MYO1B: variants seen among roughly 807,000 people sequenced by gnomAD.
MYO1B encodes the protein myosin IB.
In MYO1B, 72 loss-of-function variants were observed where a neutral mutation model predicts 159.7. That is an observed-to-expected ratio of 0.45 (90% CI 0.37 to 0.55). The LOEUF (loss-of-function observed/expected upper bound fraction) is 0.55. Among genes scored for constraint, MYO1B ranks in the 20% least tolerant of loss-of-function variants. The pLI, the probability that MYO1B is intolerant of heterozygous loss-of-function variation, is 0.00. For synonymous variants in MYO1B, 468 were observed against 473.8 expected (o/e 0.99, Z 0.16); for missense variants, 1,062 against 1,364.8 (o/e 0.78, Z 3.50).
At chr2:191,392,975 C>A in intron 19 of MYO1B, 98 bp from the exon 20 acceptor site, 1 of 1,049,016 alleles carries the variant, frequency 9.5e-7, no homozygotes, top group Non-Finnish European at 1.4e-6. Flanking sequence ...ATGTAATTGA[C>A]TCCAACATGA....
chr2:191,365,176 C>T (rs1304313554), intron 11 of MYO1B, among the ~76,000 whole-genome samples: 1 of 152,220 alleles, frequency 6.6e-6, no homozygotes, highest in East Asian at 1.9e-4. Context: ...ACCCTTTGTG[C>T]TATGGCTTAC....
At position 191,414,593 on chromosome 2, in the gene MYO1B, A is replaced by G; in HGVS notation, c.3083A>G (p.Glu1028Gly). The change falls in exon 29 of 31, where the codon GAG becomes GGG. Residue 1028 changes from glutamate to glycine, a missense_variant. By Grantham distance (98) the Glu-to-Gly change is moderately conservative. Around this residue, in one of 5 missense-constraint regions of MYO1B, gnomAD observed 609 missense variants for 744.4 expected, o/e 0.82. Coordinates refer to ENST00000392318, the MANE Select transcript of MYO1B (RefSeq NM_001130158.3). ...CAAAAGTCTGGACAAATCAAGTCAG[A>G]GGTTCCATTGGTGGATGTGACCAAG... Reference protein sequence around the residue: ...ADQKSGQIKSEVPLVDVTKVS... With the variant: ...ADQKSGQIKSGVPLVDVTKVS... 6.2e-7 allele frequency: 1 copy of G among 1,613,760 alleles called. No individual in the cohort carries two copies. Among genetic ancestry groups the G allele is most frequent in the Non-Finnish European group, 8.5e-7 (1 of 1,179,820 alleles).
Position 191,392,245 on chromosome 2 carries a change from G to A in MYO1B, c.2076+44G>A, listed in dbSNP as rs191838098. 19 of 1,407,252 alleles carry A rather than the reference G, an allele frequency of 1.4e-5. No homozygotes were observed. The African/African-American group carries it at 1.6e-4, about 12-fold the overall frequency. The allele number at this position is 1,407,252 out of a possible 1,614,324, so 87.2% of individuals were successfully genotyped here. ...TACACTCTGAACTTAAGTTGGAATCGTATAGGAAAGTTCTTAAAATATGTT... is the reference window on the plus strand; with the variant it reads ...TACACTCTGAACTTAAGTTGGAATCATATAGGAAAGTTCTTAAAATATGTT... On this transcript the variant is annotated intron_variant, in intron 19 of 30. Transcript: ENST00000392318.
intron 1 of MYO1B, among the ~76,000 whole-genome samples, chr2:191,260,593 CA>C (rs951572024): frequency 6.6e-6 from 1 of 152,032 alleles, no homozygotes; most frequent in African/African-American, 2.4e-5. Flanking sequence ...TAGCTACTTA[CA>C]ATAGAAGCAC....
rs769779447 is a variant in MYO1B, at chr2:191,383,248, G to A, written c.1291-32G>A. 2.8e-6 allele frequency: 4 copies of A among 1,414,464 alleles called. No homozygotes were observed. In the East Asian group the frequency reaches 7.7e-5, roughly 27 times the overall value. The allele number at this position is 1,414,464 out of a possible 1,614,324, so 87.6% of individuals were successfully genotyped here. Reference sequence around the variant, plus strand: ...TGGTAGTGTCGTGGCTTCATCTTGTGTCATTGGATTTTGTTCTGTTTTGTC... The same window carrying A: ...TGGTAGTGTCGTGGCTTCATCTTGTATCATTGGATTTTGTTCTGTTTTGTC... On this transcript the variant is annotated intron_variant, in intron 14 of 30. Transcript: ENST00000392318.
In MYO1B at chr2:191,390,155, C is replaced by G. The variant is rs1048655725; in HGVS notation, c.1782-137C>G. 5 of 753,726 alleles carry G rather than the reference C, an allele frequency of 6.6e-6. No homozygotes were observed. The African/African-American group carries it at 8.8e-5, about 13-fold the overall frequency. 46.7% of individuals were successfully genotyped at this position (753,726 alleles called of 1,614,324 possible). A position where few individuals can be genotyped will look rare whatever the true frequency, so the allele number is the denominator to read the frequency against. ...GTTATAAAATGATTTGAAATAATTT[C>G]AAAAGTAATGACTAGGTTTCTTAAG... is the stretch of plus-strand genomic sequence containing the variant. On this transcript the variant is annotated intron_variant, in intron 17 of 30. Transcript: ENST00000392318.
chr2:191,400,341 A>C (rs762746139), intron 21 of MYO1B, 41 bp from the exon 22 acceptor site: 1 of 1,603,974 alleles, frequency 6.2e-7, no homozygotes, highest in Admixed American at 1.7e-5. Context: ...CAATTCCTTT[A>C]TTTTTAAACA....
Position 191,289,989 on chromosome 2 carries a change from A to G in MYO1B, c.136-6122A>G, listed in dbSNP as rs370708009. On this transcript the variant is annotated intron_variant, in intron 2 of 30. Transcript: ENST00000392318. Reference sequence around the variant, plus strand: ...TACACATTATTGAGACTTACATAATATTAAAGCTGTGCTAAAATATTTAAC... The same window carrying G: ...TACACATTATTGAGACTTACATAATGTTAAAGCTGTGCTAAAATATTTAAC... 3.3e-5 allele frequency among the ~76,000 whole-genome samples: 5 copies of G among 152,232 alleles called. No individual in the cohort carries two copies. The East Asian group carries it at 9.6e-4, about 29-fold the overall frequency.
At chr2:191,353,870 A>G (rs376556531) in intron 7 of MYO1B, among the ~76,000 whole-genome samples, 1 of 152,178 alleles carries the variant, frequency 6.6e-6, no homozygotes, top group African/African-American at 2.4e-5. Flanking sequence ...CACTATAGTT[A>G]TTTGTTTATT....
chr2:191,404,473 G>T (rs1696794868), intron 24 of MYO1B, among the ~76,000 whole-genome samples: 1 of 152,106 alleles, frequency 6.6e-6, no homozygotes, highest in South Asian at 2.1e-4. Context: ...CAATTATTAG[G>T]TAACATTTTT....
chr2:191,331,311 G>GT (rs1429092762), intron 4 of MYO1B, among the ~76,000 whole-genome samples: 3 of 144,556 alleles, frequency 2.1e-5, no homozygotes, highest in Non-Finnish European at 4.4e-5. Flanking sequence ...AAACCACCTG[G>GT]TGTAGGCTCC....
chr2:191,276,338 A>C (rs1023322672), intron 1 of MYO1B, among the ~76,000 whole-genome samples: 3 of 152,238 alleles, frequency 2.0e-5, no homozygotes, highest in Non-Finnish European at 2.9e-5. Context: ...AGCAAGTTTC[A>C]TAATCTCTGA....
At chr2:191,271,258 T>G (rs1462588618) in intron 1 of MYO1B, among the ~76,000 whole-genome samples, 2 of 152,274 alleles carry the variant, frequency 1.3e-5, no homozygotes, top group Admixed American at 1.3e-4. Flanking sequence ...TTGCTAATGC[T>G]GTTATACTGC....
At chr2:191,412,939 A>G (rs1697337520) in intron 27 of MYO1B, among the ~76,000 whole-genome samples, 1 of 152,212 alleles carries the variant, frequency 6.6e-6, no homozygotes, top group Admixed American at 6.5e-5. Context: ...TTCTCCTTTC[A>G]TATACAGATG....
At chr2:191,308,447 G>A (rs1689785820) in intron 3 of MYO1B, among the ~76,000 whole-genome samples, 1 of 152,130 alleles carries the variant, frequency 6.6e-6, no homozygotes, top group Admixed American at 6.5e-5. Flanking sequence ...TCCAAGACAT[G>A]TTTAAGGGTA....
intron 4 of MYO1B, among the ~76,000 whole-genome samples, chr2:191,331,116 A>G (rs563383266): frequency 6.6e-6 from 1 of 152,162 alleles, no homozygotes; most frequent in East Asian, 1.9e-4. Context: ...CTGAAGAAAG[A>G]GTGGTTAGAT....
intron 13 of MYO1B, among the ~76,000 whole-genome samples, chr2:191,373,142 G>A (rs1462441440): frequency 6.6e-6 from 1 of 152,040 alleles, no homozygotes; most frequent in Non-Finnish European, 1.5e-5. Flanking sequence ...GAGCCACCGC[G>A]CCGGCCTGGC....
In MYO1B at chr2:191,277,011, T is replaced by G; in HGVS notation, c.116T>G (p.Phe39Cys). The change falls in exon 2 of 31, where the codon TTT becomes TGT. Residue 39 changes from phenylalanine to cysteine, a missense_variant. Coordinates refer to ENST00000392318, the MANE Select transcript of MYO1B (RefSeq NM_001130158.3). Reference sequence around the variant, plus strand: ...TTCATCAACAACCTCAAGAAGCGCTTTGACCACAGTGAAATATACGTAAGT... The same window carrying G: ...TTCATCAACAACCTCAAGAAGCGCTGTGACCACAGTGAAATATACGTAAGT... ...ETFINNLKKR[F>C]DHSEIYTYIG... 2 of 1,613,776 alleles carry G rather than the reference T, an allele frequency of 1.2e-6. No individual in the cohort carries two copies. Among genetic ancestry groups the G allele is most frequent in the South Asian group, 1.1e-5 (1 of 91,028 alleles).
intron 2 of MYO1B, among the ~76,000 whole-genome samples, chr2:191,277,500 G>T (rs17439623): frequency 0.07 from 10,668 of 152,228 alleles, 527 homozygotes; most frequent in Admixed American, 0.13. Flanking sequence ...GGTCCCTGAA[G>T]ATTTGGCTAT....
Sources: gnomAD v4.1 joint callset for allele counts (sites outside exome capture counted in the v4.1 genomes callset) on GRCh38, gnomAD v4.1.1 for gene constraint, gnomAD v4.1.1 regional missense constraint, MANE v1.5 for transcripts, NCBI Gene and HGNC (gene_info 2026-07-23, HGNC 2026-07-21) for gene names.